The following UBE2E2 variants were observed in gnomAD, a reference collection of about 807,000 sequenced individuals.
UBE2E2 encodes ubiquitin-conjugating enzyme E2 E2.
In UBE2E2, 6 loss-of-function variants were observed where a neutral mutation model predicts 24.7. The observed-to-expected ratio is 0.24, with a 90% CI of 0.13 to 0.48. The LOEUF (loss-of-function observed/expected upper bound fraction) is 0.48. Among genes scored for constraint, UBE2E2 ranks in the 20% least tolerant of loss-of-function variants. The pLI is 0.99. For missense variants in UBE2E2, 169 were observed against 245.0 expected, an observed-to-expected ratio of 0.69 and a Z score of 2.07; for synonymous variants, 104 against 83.6, an observed-to-expected ratio of 1.24 and a Z score of -1.33.
At chr3:23,353,082 A>T (rs1006378496) in intron 3 of UBE2E2, among the ~76,000 whole-genome samples, 4 of 152,236 alleles carry the variant, frequency 2.6e-5, no homozygotes, top group Non-Finnish European at 5.9e-5. Context: ...GGTTCAAGAT[A>T]TGCAAATCAA....
At chr3:23,489,459 C>T (rs750395984) in intron 3 of UBE2E2, among the ~76,000 whole-genome samples, 6 of 151,864 alleles carry the variant, frequency 4.0e-5, no homozygotes, top group Admixed American at 2.0e-4. Flanking sequence ...CTATTGCCAC[C>T]GCTGATGTGA....
intron 3 of UBE2E2, among the ~76,000 whole-genome samples, chr3:23,462,760 A>G (rs1698833110): frequency 2.0e-5 from 3 of 152,122 alleles, no homozygotes; most frequent in African/African-American, 7.2e-5. Context: ...TCTCCTGATG[A>G]TCCTCCACAT....
intron 3 of UBE2E2, among the ~76,000 whole-genome samples, chr3:23,241,787 C>T (rs1697266172): frequency 1.3e-5 from 2 of 152,152 alleles, no homozygotes; most frequent in Non-Finnish European, 2.9e-5. Context: ...GTGCCTGGAA[C>T]GTAGTAAATG....
rs1159899067 is a variant in UBE2E2, at chr3:23,291,077, A to AAC, written c.227+73766_227+73767insCA. Reference sequence around the variant, plus strand: ...GAGCAAGACCCTGTCTTTAAAAAAAAAAAACAAAAAACGTGAGCCTAGGGC... The same window carrying AAC: ...GAGCAAGACCCTGTCTTTAAAAAAAAACAAAACAAAAAACGTGAGCCTAGGGC... On this transcript the variant is annotated intron_variant, in intron 3 of 5. Coordinates refer to ENST00000396703, the MANE Select transcript of UBE2E2 (RefSeq NM_152653.4). Among the ~76,000 whole-genome samples the AAC allele has an allele frequency of 2.6e-4, 38 of 146,806 alleles. 1 individual carries two copies. In the East Asian group the frequency reaches 7.5e-3, roughly 29 times the overall value.
At chr3:23,546,893 TTTCTC>T (rs1483342980) in intron 5 of UBE2E2, among the ~76,000 whole-genome samples, 4 of 152,184 alleles carry the variant, frequency 2.6e-5, no homozygotes, top group Non-Finnish European at 4.4e-5. Flanking sequence ...AAAAATAACT[TTTCTC>T]TAATGACAGG....
intron 3 of UBE2E2, among the ~76,000 whole-genome samples, chr3:23,346,840 C>A (rs1019307546): frequency 5.3e-5 from 8 of 152,182 alleles, no homozygotes; most frequent in African/African-American, 1.7e-4. Context: ...ATGAAAACTT[C>A]TAATTCACCT....
intron 3 of UBE2E2, among the ~76,000 whole-genome samples, chr3:23,267,744 C>T (rs567851872): frequency 3.3e-5 from 5 of 151,954 alleles, no homozygotes; most frequent in Admixed American, 1.3e-4. Context: ...CTGGCAGAGA[C>T]ACAACCAAAA....
At chr3:23,211,302 G>A (rs911527132) in intron 2 of UBE2E2, among the ~76,000 whole-genome samples, 3 of 151,998 alleles carry the variant, frequency 2.0e-5, no homozygotes, top group Non-Finnish European at 4.4e-5. Context: ...TTCCCAAATA[G>A]TGTCATTTTA....
At chr3:23,298,069 T>C (rs4538320) in intron 3 of UBE2E2, among the ~76,000 whole-genome samples, 127,565 of 151,624 alleles carry the variant, frequency 0.84, 53,812 homozygotes, top group African/African-American at 0.9. Flanking sequence ...GGAGTTCACT[T>C]ATGATTTGGC....
intron 4 of UBE2E2, among the ~76,000 whole-genome samples, chr3:23,507,049 AAC>A (rs1325870880): frequency 6.6e-6 from 1 of 152,234 alleles, no homozygotes; most frequent in Non-Finnish European, 1.5e-5. Context: ...CCGTCCACAG[AAC>A]AGTTTTCAAA....
At chr3:23,260,216 A>G (rs1159666568) in intron 3 of UBE2E2, among the ~76,000 whole-genome samples, 1 of 152,204 alleles carries the variant, frequency 6.6e-6, no homozygotes, top group Non-Finnish European at 1.5e-5. Flanking sequence ...ATATTATGCA[A>G]TTTAAAAACA....
intron 3 of UBE2E2, among the ~76,000 whole-genome samples, chr3:23,304,263 C>T (rs1370518465): frequency 6.6e-6 from 1 of 152,104 alleles, no homozygotes; most frequent in Admixed American, 6.6e-5. Flanking sequence ...GAATCAAAAA[C>T]ATAGAGACCT....
Position 23,298,377 on chromosome 3 carries a change from G to C in UBE2E2, c.227+81065G>C, listed in dbSNP as rs1230338847. Among the ~76,000 whole-genome samples the C allele has an allele frequency of 2.0e-5, 3 of 151,892 alleles. No homozygotes were observed. The East Asian group carries it at 5.8e-4, about 29-fold the overall frequency. Reference sequence around the variant, plus strand: ...CCCTGTCTTGTGCCAGTTTTCAAAGGGAATGCTTCCAGTTTTTGCCCATTC... The same window carrying C: ...CCCTGTCTTGTGCCAGTTTTCAAAGCGAATGCTTCCAGTTTTTGCCCATTC... On this transcript the variant is annotated intron_variant, in intron 3 of 5. Transcript: ENST00000396703.
chr3:23,473,390 T>C (rs1383074956), intron 3 of UBE2E2, among the ~76,000 whole-genome samples: 1 of 152,104 alleles, frequency 6.6e-6, no homozygotes, highest in Non-Finnish European at 1.5e-5. Context: ...AATCTACCTT[T>C]AATTTTTGTG....
chr3:23,339,951 AAG>A (rs1695335602), intron 3 of UBE2E2, among the ~76,000 whole-genome samples: 2 of 152,160 alleles, frequency 1.3e-5, no homozygotes, highest in Admixed American at 6.5e-5. Flanking sequence ...TTTAGAGAAA[AAG>A]AGTTAGGATG....
At chr3:23,421,642 A>G (rs1369387468) in intron 3 of UBE2E2, among the ~76,000 whole-genome samples, 2 of 152,172 alleles carry the variant, frequency 1.3e-5, no homozygotes, top group African/African-American at 4.8e-5. Flanking sequence ...TCCTGACCTC[A>G]TGACCCGCCC....
At chr3:23,339,426 T>C (rs1224245346) in intron 3 of UBE2E2, among the ~76,000 whole-genome samples, 2 of 152,114 alleles carry the variant, frequency 1.3e-5, no homozygotes, top group African/African-American at 4.8e-5. Flanking sequence ...TCAGTATTAG[T>C]TTCCTGATTT....
At position 23,591,059 on chromosome 3, in the gene UBE2E2, G is replaced by A. The variant is rs1696749211; in HGVS notation, c.*1228G>A. ...AACTCAACTGTATTGGTCACGGTCA[G>A]CCCATTCAATGACAAGGGTGTCTGT... On this transcript the variant is annotated 3_prime_UTR_variant, in exon 6 of 6. Transcript: ENST00000396703. The A allele has an allele frequency of 6.6e-6, 1 of 152,152 alleles. No individual in the cohort carries two copies. The highest frequency in any genetic ancestry group is 2.1e-4 in the South Asian group (1 of 4,824). The allele number at this position is 152,152 out of a possible 1,614,324, so 9.4% of individuals were successfully genotyped here.
At chr3:23,231,612 G>A (rs879368811) in intron 3 of UBE2E2, among the ~76,000 whole-genome samples, 10 of 152,102 alleles carry the variant, frequency 6.6e-5, no homozygotes, top group Non-Finnish European at 1.2e-4. Context: ...CTCTCTACCT[G>A]GAGGTAGACT....
Sources: gnomAD v4.1 joint callset for allele counts (sites outside exome capture counted in the v4.1 genomes callset) on GRCh38, gnomAD v4.1.1 for gene constraint, MANE v1.5 for transcripts, NCBI Gene and HGNC (gene_info 2026-07-23, HGNC 2026-07-21) for gene names.